Variants in RPTOR observed in about 807,000 individuals in gnomAD.
The protein encoded by RPTOR is regulatory associated protein of MTOR complex 1, also known as regulatory-associated protein of mTOR.
RPTOR carries 21 observed loss-of-function variants against 169.9 expected under a neutral mutation model. That is an observed-to-expected ratio of 0.12 (90% CI 0.09 to 0.18). RPTOR has a LOEUF of 0.18. Ranked by LOEUF, RPTOR falls within the 10% of genes least tolerant of loss-of-function variation. The pLI is 1.00. For synonymous variants in RPTOR, 732 were observed against 753.2 expected, an observed-to-expected ratio of 0.97 and a Z score of 0.46; for missense variants, 1,133 against 1,855.9, an observed-to-expected ratio of 0.61 and a Z score of 7.16.
intron 11 of RPTOR, among the ~76,000 whole-genome samples, chr17:80,852,391 C>T (rs2067802625): frequency 6.6e-6 from 1 of 152,108 alleles, no homozygotes; most frequent in Non-Finnish European, 1.5e-5. Flanking sequence ...TTCCAGGCAG[C>T]AGTGGCATGC....
chr17:80,781,119 C>T lies in RPTOR; in HGVS notation c.831-10331C>T, dbSNP rs375017150. Among the ~76,000 whole-genome samples the T allele has an allele frequency of 1.1e-4, 17 of 152,114 alleles. No homozygotes were observed. In the South Asian group the frequency reaches 1.9e-3, roughly 17 times the overall value. On this transcript the variant is annotated intron_variant, in intron 6 of 33. Coordinates refer to ENST00000306801, the MANE Select transcript of RPTOR (RefSeq NM_020761.3). ...GGAAGGATAATAACACACATCTAAG[C>T]GGGGAGGGTGATAATTGTGCCCATA...
At chr17:80,930,429 C>CTTCAG (rs2068879107) in intron 24 of RPTOR, among the ~76,000 whole-genome samples, 1 of 2,138 alleles carries the variant, frequency 4.7e-4, no homozygotes, top group African/African-American at 2.2e-3. Context: ...CTCAGCTCAT[C>CTTCAG]CTCATCCCCA....
At chr17:80,567,802 TA>T (rs377722421) in intron 1 of RPTOR, among the ~76,000 whole-genome samples, 1 of 121,774 alleles carries the variant, frequency 8.2e-6, no homozygotes, top group Admixed American at 9.7e-5. Flanking sequence ...AAAAAATAAA[TA>T]AAATAAATAA....
chr17:80,816,773 C>T (rs538856393), intron 7 of RPTOR, among the ~76,000 whole-genome samples: 1 of 152,262 alleles, frequency 6.6e-6, no homozygotes, highest in South Asian at 2.1e-4. Context: ...GAGGAGCCTA[C>T]GGGGGCCAAG....
At position 80,744,936 on chromosome 17, in the gene RPTOR, GCC is replaced by G. The variant is rs1187156722; in HGVS notation, c.655-9072_655-9071del. 2.0e-3 allele frequency among the ~76,000 whole-genome samples: 299 copies of G among 151,624 alleles called. 3 individuals carry two copies. The highest frequency in any genetic ancestry group is 3.8e-3 in the Admixed American group (58 of 15,242). ...TAGCACAGCCCTGGTTACTAGCAGA[GCC>G]CTGGTTACTAGCAGAGCCCTGGCTT... On this transcript the variant is annotated intron_variant, in intron 5 of 33. Coordinates refer to ENST00000306801, the MANE Select transcript of RPTOR (RefSeq NM_020761.3).
At chr17:80,933,196 G>T (rs572087739) in intron 24 of RPTOR, among the ~76,000 whole-genome samples, 5 of 152,284 alleles carry the variant, frequency 3.3e-5, no homozygotes, top group Admixed American at 2.6e-4. Flanking sequence ...AGCCATCTCT[G>T]TTCACAGATG....
intron 3 of RPTOR, among the ~76,000 whole-genome samples, chr17:80,672,383 T>TA (rs2065828607): frequency 2.0e-5 from 3 of 151,772 alleles, no homozygotes. Flanking sequence ...TTTTTTTTTT[T>TA]TTAAATGGTT....
chr17:80,713,842 G>C (rs566073757), intron 4 of RPTOR, among the ~76,000 whole-genome samples: 1 of 152,182 alleles, frequency 6.6e-6, no homozygotes, highest in Non-Finnish European at 1.5e-5. Context: ...AACAGGAAAA[G>C]TATGCAAATC....
intron 6 of RPTOR, among the ~76,000 whole-genome samples, chr17:80,760,549 G>A (rs373272324): frequency 4.6e-5 from 7 of 152,070 alleles, no homozygotes; most frequent in East Asian, 3.8e-4. Context: ...TGATCCGCCC[G>A]CCTCAGCCTT....
At chr17:80,723,864 TACTGAATAAC>T (rs1218166978) in intron 4 of RPTOR, among the ~76,000 whole-genome samples, 6 of 151,476 alleles carry the variant, frequency 4.0e-5, no homozygotes, top group African/African-American at 1.2e-4. Flanking sequence ...TTGGTGATAC[TACTGAATAAC>T]ACTGTTTTTT....
chr17:80,959,994 C>T lies in RPTOR; in HGVS notation c.3478-84C>T. Reference sequence around the variant, plus strand: ...GTGATCCCCACAGCCAGGCAGGCAGCAAGAGGGGTCCTGGCGCTGCAGGAC... The same window carrying T: ...GTGATCCCCACAGCCAGGCAGGCAGTAAGAGGGGTCCTGGCGCTGCAGGAC... On this transcript the variant is annotated intron_variant, in intron 29 of 33. Transcript: ENST00000306801. The surrounding 1 kb of genome is among the most constrained non-coding windows in gnomAD (Gnocchi z 6.7). The T allele has an allele frequency of 1.9e-6, 3 of 1,548,014 alleles. No individual in the cohort carries two copies. The highest frequency in any genetic ancestry group is 2.6e-6 in the Non-Finnish European group (3 of 1,132,576).
chr17:80,887,750 A>C (rs1170532108), intron 17 of RPTOR, among the ~76,000 whole-genome samples: 1 of 152,190 alleles, frequency 6.6e-6, no homozygotes, highest in Non-Finnish European at 1.5e-5. Context: ...CTTTTTAATA[A>C]TAAAAGTGTC....
chr17:80,613,795 A>G (rs577146248), intron 1 of RPTOR, among the ~76,000 whole-genome samples: 274 of 131,482 alleles, frequency 2.1e-3, no homozygotes, highest in African/African-American at 7.3e-3. Flanking sequence ...GGGCTGGGCC[A>G]CGTGTTGTGT....
intron 1 of RPTOR, among the ~76,000 whole-genome samples, chr17:80,585,903 G>C (rs1171480056): frequency 1.3e-5 from 2 of 151,932 alleles, no homozygotes; most frequent in Non-Finnish European, 2.9e-5. Context: ...TTCTAAGTCT[G>C]CTTCCTTTTA....
intron 6 of RPTOR, among the ~76,000 whole-genome samples, chr17:80,770,550 A>T (rs1220133156): frequency 6.6e-6 from 1 of 152,182 alleles, no homozygotes; most frequent in African/African-American, 2.4e-5. Context: ...TCGGATGGAC[A>T]TGCAGGTTCA....
intron 24 of RPTOR, among the ~76,000 whole-genome samples, chr17:80,931,744 C>T (rs1255032138): frequency 6.6e-6 from 1 of 152,220 alleles, no homozygotes; most frequent in Non-Finnish European, 1.5e-5. Context: ...TGAGAAGGTT[C>T]CACCCTGAGA....
intron 3 of RPTOR, among the ~76,000 whole-genome samples, chr17:80,706,666 G>A (rs1320473416): frequency 6.6e-6 from 1 of 152,200 alleles, no homozygotes; most frequent in Non-Finnish European, 1.5e-5. Context: ...GCAGTGTCTG[G>A]CAAGGCCAGG....
intron 12 of RPTOR, among the ~76,000 whole-genome samples, chr17:80,857,507 A>G (rs2067866755): frequency 6.6e-6 from 1 of 152,236 alleles, no homozygotes; most frequent in Non-Finnish European, 1.5e-5. Context: ...CAAGGGCCCC[A>G]GGCGCAAGCA....
chr17:80,825,360 G>A (rs142152792), intron 9 of RPTOR, among the ~76,000 whole-genome samples: 6 of 152,278 alleles, frequency 3.9e-5, no homozygotes, highest in South Asian at 2.1e-4. Flanking sequence ...GCCGCGTGGC[G>A]AGGTTGGCAC....
Sources: allele counts gnomAD v4.1 joint callset (sites outside exome capture counted in the v4.1 genomes callset), GRCh38; gene constraint gnomAD v4.1.1; non-coding constraint Gnocchi (gnomAD v3.1); transcripts MANE v1.5; gene names NCBI Gene and HGNC (gene_info 2026-07-23, HGNC 2026-07-21).